Variants in PRPF18 observed in about 807,000 individuals in gnomAD.
The protein encoded by PRPF18 is pre-mRNA-splicing factor 18.
In PRPF18, 38 loss-of-function variants were observed where a neutral mutation model predicts 46.5. The observed-to-expected ratio is 0.82, with a 90% CI of 0.63 to 1.07. PRPF18 has a LOEUF of 1.07. Among genes scored for constraint, PRPF18 ranks in the 50% least tolerant of loss-of-function variants. The pLI is 0.00. For synonymous variants in PRPF18, 152 were observed against 146.7 expected, an observed-to-expected ratio of 1.04 and a Z score of -0.26; for missense variants, 263 against 410.0, an observed-to-expected ratio of 0.64 and a Z score of 3.10.
At chr10:13,651,377 G>C in the PRPF18 span, 1 of 153,302 alleles carries the variant, frequency 6.5e-6, no homozygotes, top group Non-Finnish European at 1.5e-5. Context: ...CAGGGACACT[G>C]ATTACTCACA....
chr10:13,643,650 C>T, the PRPF18 span: 7 of 152,704 alleles, frequency 4.6e-5, no homozygotes, highest in East Asian at 1.9e-4. Flanking sequence ...CCAGTGCACA[C>T]GCAAGCATTT....
chr10:13,650,396 G>A, the PRPF18 span, among the ~76,000 whole-genome samples: 2 of 152,002 alleles, frequency 1.3e-5, no homozygotes, highest in African/African-American at 2.4e-5. Flanking sequence ...CCCTGCATGT[G>A]CACATGTATG....
chr10:13,651,188 G>A, the PRPF18 span: 2 of 152,212 alleles, frequency 1.3e-5, no homozygotes, highest in Non-Finnish European at 2.9e-5. Context: ...GCTTTCTAAC[G>A]AGCTCCCAGG....
chr10:13,599,354 A>G (rs1173832401), intron 2 of PRPF18, among the ~76,000 whole-genome samples: 5 of 152,198 alleles, frequency 3.3e-5, no homozygotes. Context: ...AATTTTTACC[A>G]TATAGCCTTT....
At chr10:13,620,846 G>A (rs1401148358) in intron 9 of PRPF18, among the ~76,000 whole-genome samples, 1 of 152,194 alleles carries the variant, frequency 6.6e-6, no homozygotes, top group South Asian at 2.1e-4. Flanking sequence ...TATTTGAAGT[G>A]TTCTATTTCT....
chr10:13,587,790 C>T (rs979645961), intron 1 of PRPF18, among the ~76,000 whole-genome samples: 1 of 152,236 alleles, frequency 6.6e-6, no homozygotes, highest in Non-Finnish European at 1.5e-5. Context: ...TTCTCGCGTT[C>T]ATAAGTCCCT....
intron 8 of PRPF18, among the ~76,000 whole-genome samples, 176 bp downstream of exon 8, chr10:13,614,262 C>A (rs1044022673): frequency 6.6e-5 from 10 of 152,134 alleles, no homozygotes; most frequent in Admixed American, 6.5e-4. Flanking sequence ...TACTGTTAGG[C>A]AGTGAATAAC....
Position 13,610,061 on chromosome 10 carries a change from C to T in PRPF18, c.386C>T (p.Ala129Val). The part of the protein sequence containing the change: ...VNKGLRNDLK[A>V]ALDKIDQQYL... Reference sequence around the variant, plus strand: ...TAGGGATTGAGGAATGATTTGAAAGCAGCCTTGGATAAGATTGATCAGCAG... The same window carrying T: ...TAGGGATTGAGGAATGATTTGAAAGTAGCCTTGGATAAGATTGATCAGCAG... The change falls in exon 5 of 10, where the codon GCA (alanine) becomes GTA (valine). Residue 129 changes from alanine (A) to valine (V), a missense_variant. Coordinates refer to ENST00000378572, the MANE Select transcript of PRPF18 (RefSeq NM_003675.4). The T allele has an allele frequency of 6.2e-7, 1 of 1,611,616 alleles. No individual in the cohort carries two copies. The highest frequency in any genetic ancestry group is 8.5e-7 in the Non-Finnish European group (1 of 1,178,112).
intron 9 of PRPF18, among the ~76,000 whole-genome samples, chr10:13,625,347 G>A (rs1201519772): frequency 1.3e-5 from 2 of 152,072 alleles, no homozygotes; most frequent in Non-Finnish European, 2.9e-5. Flanking sequence ...AGGTAACGTT[G>A]TAGCCATGAA....
intron 9 of PRPF18, among the ~76,000 whole-genome samples, chr10:13,628,851 A>C (rs1292993340): frequency 6.6e-6 from 1 of 151,936 alleles, no homozygotes; most frequent in African/African-American, 2.4e-5. Context: ...CTGGTTACAA[A>C]CTCTTCCCAA....
At chr10:13,592,589 T>C (rs534986863) in intron 1 of PRPF18, among the ~76,000 whole-genome samples, 5 of 152,284 alleles carry the variant, frequency 3.3e-5, no homozygotes, top group Non-Finnish European at 5.9e-5. Context: ...GACTAAGATA[T>C]CCTCTTACCA....
downstream of PRPF18, among the ~76,000 whole-genome samples, chr10:13,633,594 A>G (rs180888343): frequency 6.6e-6 from 1 of 152,036 alleles, no homozygotes; most frequent in African/African-American, 2.4e-5. Context: ...GCCCCACCCC[A>G]TGAGGTTAAT....
chr10:13,625,411 TTAGCAAA>T (rs1300474066), intron 9 of PRPF18, among the ~76,000 whole-genome samples: 2 of 152,138 alleles, frequency 1.3e-5, no homozygotes, highest in Admixed American at 1.3e-4. Context: ...CTCTTAAAAA[TTAGCAAA>T]AATTTAAATC....
intron 3 of PRPF18, among the ~76,000 whole-genome samples, chr10:13,602,353 A>G (rs2080123870): frequency 6.6e-6 from 1 of 152,102 alleles, no homozygotes; most frequent in South Asian, 2.1e-4. Flanking sequence ...TGATTTGCAG[A>G]TCAACATATT....
chr10:13,637,641 T>G, the PRPF18 span, among the ~76,000 whole-genome samples: 1 of 152,202 alleles, frequency 6.6e-6, no homozygotes, highest in South Asian at 2.1e-4. Flanking sequence ...TTACCTTTTA[T>G]GCATTGGAGA....
intron 9 of PRPF18, among the ~76,000 whole-genome samples, chr10:13,624,921 A>T (rs2080477261): frequency 6.6e-6 from 1 of 152,264 alleles, no homozygotes; most frequent in South Asian, 2.1e-4. Context: ...CCTAAGATTC[A>T]TCAGACATTT....
rs887551355 is a variant in PRPF18, at chr10:13,602,273, G to A, written c.249+1925G>A. ...TTATTAGAATTGAACATGTTTTCAC[G>A]TGTTCAGTGGTCGTTAATGTCTCTT... On this transcript the variant is annotated intron_variant, in intron 3 of 9. Coordinates refer to ENST00000378572, the MANE Select transcript of PRPF18 (RefSeq NM_003675.4). 3.3e-5 allele frequency among the ~76,000 whole-genome samples: 5 copies of A among 152,148 alleles called. No homozygotes were observed. The East Asian group carries it at 5.8e-4, about 18-fold the overall frequency.
chr10:13,651,649 G>A, the PRPF18 span: 1 of 448,866 alleles, frequency 2.2e-6, no homozygotes, highest in South Asian at 2.7e-5. Flanking sequence ...CTCCAGCCTG[G>A]GCAACAGAAC....
chr10:13,600,367 G>A lies in PRPF18; in HGVS notation c.249+19G>A, dbSNP rs772783525. The A allele has an allele frequency of 2.6e-6, 4 of 1,552,586 alleles. No individual in the cohort carries two copies. The highest frequency in any genetic ancestry group is 3.5e-6 in the Non-Finnish European group (4 of 1,129,032). ...GCAAGAGGTAAGTTTATTTGTGATG[G>A]TTTCATGAGAATAAGATCTCCACGG... On this transcript the variant is annotated intron_variant, in intron 3 of 9. Coordinates refer to ENST00000378572, the MANE Select transcript of PRPF18 (RefSeq NM_003675.4).
Sources: allele counts gnomAD v4.1 joint callset (sites outside exome capture counted in the v4.1 genomes callset), GRCh38; gene constraint gnomAD v4.1.1; transcripts MANE v1.5; gene names NCBI Gene and HGNC (gene_info 2026-07-23, HGNC 2026-07-21).